Variants in LECT2 observed in about 807,000 individuals in gnomAD.
LECT2 encodes leukocyte cell-derived chemotaxin-2.
Under a neutral mutation model 16.6 loss-of-function variants are expected in LECT2, and 11 were observed. The ratio of observed to expected loss-of-function variants is 0.66; its 90% CI spans 0.42 to 1.09. The LOEUF is 1.09. Ranked by LOEUF, LECT2 falls within the 50% of genes least tolerant of loss-of-function variation. The pLI is 0.00. For missense variants in LECT2, 173 were observed against 184.2 expected, an observed-to-expected ratio of 0.94 and a Z score of 0.35; for synonymous variants, 54 against 64.8, an observed-to-expected ratio of 0.83 and a Z score of 0.80.
At chr5:135,949,968 G>A (rs1475136394) in intron 3 of LECT2, among the ~76,000 whole-genome samples, 4 of 152,180 alleles carry the variant, frequency 2.6e-5, no homozygotes, top group Admixed American at 2.0e-4. Context: ...TAACTGTTAA[G>A]TGCCACTACA....
At position 135,947,476 on chromosome 5, in the gene LECT2, T is replaced by C; in HGVS notation, c.311A>G (p.Tyr104Cys). The change falls in exon 4 of 4, where the codon TAC (tyrosine) becomes TGC (cysteine). Residue 104 changes from tyrosine (Y) to cysteine (C), a missense_variant. Transcript: ENST00000274507. Reference protein sequence around the residue: ...SGRGFCVKMFYIKPIKYKGPI... With the variant: ...SGRGFCVKMFCIKPIKYKGPI... ...ACCTTTATACTTAATTGGCTTAATG[T>C]AGAACATTTTGACACAAAAACCTAA... 1 of 1,610,584 alleles carries C rather than the reference T, an allele frequency of 6.2e-7. No individual in the cohort carries two copies. The highest frequency in any genetic ancestry group is 8.5e-7 in the Non-Finnish European group (1 of 1,178,230).
chr5:135,953,725 T>A (rs574674087), intron 1 of LECT2, among the ~76,000 whole-genome samples: 246 of 152,318 alleles, frequency 1.6e-3, no homozygotes, highest in Admixed American at 2.2e-3. Flanking sequence ...AAGCAAATGT[T>A]TGAATTAAAG....
At chr5:135,950,859 C>T in intron 3 of LECT2, 1 of 313,354 alleles carries the variant, frequency 3.2e-6, no homozygotes. Flanking sequence ...GAAGTGTGTG[C>T]ATGAAGCAGA....
chr5:135,950,392 C>G (rs114928711), intron 3 of LECT2, among the ~76,000 whole-genome samples: 25 of 152,272 alleles, frequency 1.6e-4, no homozygotes, highest in Admixed American at 1.3e-3. Flanking sequence ...ACAGGAAGAA[C>G]TAATACATGG....
At chr5:135,948,820 G>A (rs1358819289) in intron 3 of LECT2, among the ~76,000 whole-genome samples, 1 of 151,676 alleles carries the variant, frequency 6.6e-6, no homozygotes, top group African/African-American at 2.4e-5. Flanking sequence ...GACTACAGGC[G>A]CCCGCCACCA....
rs769986409 is a variant in LECT2, at chr5:135,952,903, G to T, written c.111C>A (p.Asp37Glu). The change falls in exon 2 of 4, where the codon GAC becomes GAA. Residue 37 changes from aspartate to glutamate, a missense_variant. Coordinates refer to ENST00000274507, the MANE Select transcript of LECT2 (RefSeq NM_002302.3). ...CAGAGTACTGTCCACAGCCATGGCG[G>T]TCACACGTCCGGATCTCATTGGAAG... ...GKSSNEIRTC[D>E]RHGCGQYSAQ... 1 of 1,614,046 alleles carries T rather than the reference G, an allele frequency of 6.2e-7. No homozygotes were observed. The highest frequency in any genetic ancestry group is 1.1e-5 in the South Asian group (1 of 91,074).
In LECT2 at chr5:135,947,167, T is replaced by A. The variant is rs1763714686; in HGVS notation, c.*164A>T. On this transcript the variant is annotated 3_prime_UTR_variant, in exon 4 of 4. Transcript: ENST00000274507. ...TTTGTTTATGAGGTACGTGAGATGT[T>A]TTGATACAGGCATGCAATGTGTAAT... 1 of 592,658 alleles carries A rather than the reference T, an allele frequency of 1.7e-6. No homozygotes were observed. The highest frequency in any genetic ancestry group is 3.0e-5 in the Admixed American group (1 of 33,152). The allele number at this position is 592,658 out of a possible 1,614,324, so 36.7% of individuals were successfully genotyped here. A position where few individuals can be genotyped will look rare whatever the true frequency, so the allele number is the denominator to read the frequency against.
intron 2 of LECT2, 110 bp from the exon 3 acceptor site, chr5:135,951,478 G>A: frequency 4.8e-6 from 5 of 1,052,094 alleles, no homozygotes; most frequent in Non-Finnish European, 5.5e-6. Flanking sequence ...AAAGCTTGAA[G>A]CTGCCAGAAC....
intron 1 of LECT2, among the ~76,000 whole-genome samples, chr5:135,953,554 A>G (rs1763824385): frequency 6.6e-6 from 1 of 152,216 alleles, no homozygotes; most frequent in African/African-American, 2.4e-5. Context: ...CTTCAGATCC[A>G]TTAGTAAATG....
At position 135,952,931 on chromosome 5, in the gene LECT2, T is replaced by C. The variant is rs765856481; in HGVS notation, c.83A>G (p.Lys28Arg). 3.7e-6 allele frequency: 6 copies of C among 1,614,012 alleles called. No individual in the cohort carries two copies. Among genetic ancestry groups the C allele is most frequent in the African/African-American group, 1.3e-5 (1 of 74,922 alleles). ...AGPWANICAG[K>R]SSNEIRTCDR... The stretch of plus-strand genomic sequence containing the variant: ...ACACGTCCGGATCTCATTGGAAGAC[T>C]TGCCAGCACATATATTAGCCCATGG... The change falls in exon 2 of 4, where the codon AAG becomes AGG. Residue 28 changes from lysine to arginine, a missense_variant. Coordinates refer to ENST00000274507, the MANE Select transcript of LECT2 (RefSeq NM_002302.3).
At chr5:135,947,614 G>A in intron 3 of LECT2, 117 bp from the exon 4 acceptor site, 1 of 1,134,354 alleles carries the variant, frequency 8.8e-7, no homozygotes, top group Non-Finnish European at 1.2e-6. Context: ...CTCAGGAGAG[G>A]AATAGATGAA....
chr5:135,948,842 T>A (rs574750840), intron 3 of LECT2, among the ~76,000 whole-genome samples: 13 of 151,980 alleles, frequency 8.6e-5, no homozygotes, highest in Middle Eastern at 3.4e-3. Context: ...ATCTGGCTAA[T>A]TTTTTGTATT....
Position 135,951,343 on chromosome 5 carries a change from C to T in LECT2, c.169G>A (p.Asp57Asn). Residue 57 changes from aspartate (D) to asparagine (N), a missense_variant, in exon 3 of 4, where the codon GAC (aspartate) becomes AAC (asparagine). Transcript: ENST00000274507. ...QRSQRPHQGV[D>N]ILCSAGSTVY... ...GTAGATCCAGCAGAGCACAAGATGT[C>T]CACACCCTGGTGAGGCCTCTGACTT... The T allele has an allele frequency of 6.2e-7, 1 of 1,613,776 alleles. No individual in the cohort carries two copies.
In LECT2 at chr5:135,952,854, G is replaced by T. The variant is rs376512641; in HGVS notation, c.143+17C>A. 1.4e-4 allele frequency: 218 copies of T among 1,583,984 alleles called. No individual in the cohort carries two copies. In the African/African-American group the frequency reaches 2.8e-3, roughly 20 times the overall value. Reference sequence around the variant, plus strand: ...TAGGGACCAAAGGGTTGGGTGGGTGGTTGTGCAACTTCATACCTTTGAGCA... The same window carrying T: ...TAGGGACCAAAGGGTTGGGTGGGTGTTTGTGCAACTTCATACCTTTGAGCA... On this transcript the variant is annotated intron_variant, in intron 2 of 3. Transcript: ENST00000274507.
At position 135,949,271 on chromosome 5, in the gene LECT2, G is replaced by A. The variant is rs371781086; in HGVS notation, c.290-1774C>T. 3.2e-4 allele frequency among the ~76,000 whole-genome samples: 48 copies of A among 152,298 alleles called. 1 individual carries two copies. Among genetic ancestry groups the A allele is most frequent in the African/African-American group, 1.1e-3 (46 of 41,564 alleles). Reference sequence around the variant, plus strand: ...CAAAGCCCCAGCAGGATTTTTGGTGGAAATTAGCAAACAGATTCTGTAATT... The same window carrying A: ...CAAAGCCCCAGCAGGATTTTTGGTGAAAATTAGCAAACAGATTCTGTAATT... On this transcript the variant is annotated intron_variant, in intron 3 of 3. Transcript: ENST00000274507.
At chr5:135,947,619 G>T (rs1157977608) in intron 3 of LECT2, 122 bp from the exon 4 acceptor site, 2 of 1,096,974 alleles carry the variant, frequency 1.8e-6, no homozygotes, top group Non-Finnish European at 2.5e-6. Flanking sequence ...GAGAGGAATA[G>T]ATGAAAATGA....
chr5:135,952,108 A>G (rs1403058434), intron 2 of LECT2, among the ~76,000 whole-genome samples: 5 of 152,288 alleles, frequency 3.3e-5, no homozygotes, highest in African/African-American at 9.6e-5. Context: ...AATCAAGTGC[A>G]TAAACTTTGC....
At chr5:135,949,076 TAAAC>T (rs778788799) in intron 3 of LECT2, among the ~76,000 whole-genome samples, 2 of 152,102 alleles carry the variant, frequency 1.3e-5, no homozygotes, top group African/African-American at 4.8e-5. Flanking sequence ...GAATAAATAT[TAAAC>T]AAAAGATGTG....
At chr5:135,952,320 G>A (rs1763806765) in intron 2 of LECT2, among the ~76,000 whole-genome samples, 1 of 152,158 alleles carries the variant, frequency 6.6e-6, no homozygotes, top group Admixed American at 6.5e-5. Flanking sequence ...GTGATGTTGG[G>A]TATAACTGAA....
Sources: allele counts gnomAD v4.1 joint callset (sites outside exome capture counted in the v4.1 genomes callset), GRCh38; gene constraint gnomAD v4.1.1; transcripts MANE v1.5; gene names NCBI Gene and HGNC (gene_info 2026-07-23, HGNC 2026-07-21).